TULP1: variants seen among roughly 807,000 people sequenced by gnomAD.
The protein encoded by TULP1 is tubby-related protein 1.
A neutral mutation model predicts 67.1 loss-of-function variants in TULP1; 50 were observed. The observed-to-expected ratio is 0.75, with a 90% CI of 0.59 to 0.94. TULP1 has a LOEUF of 0.94. TULP1 is among the 40% of genes least tolerant of loss of function. TULP1 has a pLI of 0.00. For missense variants in TULP1, 746 were observed against 734.1 expected (o/e 1.02, Z -0.19); for synonymous variants, 297 against 294.0 (o/e 1.01, Z -0.11).
In TULP1 at chr6:35,509,663, C is replaced by T. The variant is rs776350131; in HGVS notation, c.689G>A (p.Ser230Asn). The T allele has an allele frequency of 6.2e-7, 1 of 1,614,136 alleles. No individual in the cohort carries two copies. The highest frequency in any genetic ancestry group is 8.5e-7 in the Non-Finnish European group (1 of 1,180,038). The change falls in exon 7 of 15, where the codon AGT becomes AAT. Residue 230 changes from serine (S) to asparagine (N), a missense_variant. Coordinates refer to ENST00000229771, the MANE Select transcript of TULP1 (RefSeq NM_003322.6). ...CTTCTTCAGGGCTTTCTTGTCAGGACTGCCTTCCCCAACCAGAAACATGGC... is the reference window on the plus strand; with the variant it reads ...CTTCTTCAGGGCTTTCTTGTCAGGATTGCCTTCCCCAACCAGAAACATGGC... ...PAAMFLVGEGSPDKKALKKKG... is the reference protein window; with the variant it reads ...PAAMFLVGEGNPDKKALKKKG...
At chr6:35,509,517 C>A in intron 7 of TULP1, 117 bp downstream of exon 7, 1 of 1,191,896 alleles carries the variant, frequency 8.4e-7, no homozygotes. Flanking sequence ...CGTTGTCTGA[C>A]TCTAGACCTG....
Position 35,512,648 on chromosome 6 carries a change from G to GCGC in TULP1, c.87_89dup (p.Arg30dup). On this transcript the variant is annotated inframe_insertion, in exon 2 of 15. Transcript: ENST00000229771. ...AAGTGGGGTGGCATACCTGTTTGGGGCGCCGCGGGGCCTCCGGGCTCAGGC... is the reference window on the plus strand; with the variant it reads ...AAGTGGGGTGGCATACCTGTTTGGGGCGCCGCCGCGGGGCCTCCGGGCTCAGGC... 6.2e-7 allele frequency: 1 copy of GCGC among 1,613,946 alleles called. No homozygotes were observed. Among genetic ancestry groups the GCGC allele is most frequent in the Non-Finnish European group, 8.5e-7 (1 of 1,179,974 alleles).
rs552493882 is a variant in TULP1 at position 35,498,865 on chromosome 6, G to C, written c.1496-405C>G. 1.3e-5 allele frequency among the ~76,000 whole-genome samples: 2 copies of C among 152,162 alleles called. No individual in the cohort carries two copies. The highest frequency in any genetic ancestry group is 2.9e-5 in the Non-Finnish European group (2 of 67,986). On this transcript the variant is annotated intron_variant, in intron 14 of 14. Transcript: ENST00000229771. The surrounding 1 kb of genome is among the most constrained non-coding windows in gnomAD (Gnocchi z 6.7). ...AGACCCCAGCTCCACCCCTTGACTA[G>C]CCCCTGGTTCCCTTCCTCAGCCTCA... is the stretch of plus-strand genomic sequence containing the variant.
Position 35,498,212 on chromosome 6 carries a change from G to C in TULP1, c.*115C>G. 6.7e-7 allele frequency: 1 copy of C among 1,491,378 alleles called. No individual in the cohort carries two copies. The highest frequency in any genetic ancestry group is 2.4e-4 in the Middle Eastern group (1 of 4,244). The allele number at this position is 1,491,378 out of a possible 1,614,324, so 92.4% of individuals were successfully genotyped here. On this transcript the variant is annotated 3_prime_UTR_variant, in exon 15 of 15. Coordinates refer to ENST00000229771, the MANE Select transcript of TULP1 (RefSeq NM_003322.6). The surrounding 1 kb of genome is among the most constrained non-coding windows in gnomAD (Gnocchi z 6.7). The stretch of plus-strand genomic sequence containing the variant: ...GTCACCGAGAGGCAGTGAGAGGTCA[G>C]CCCCGACACAGGAGCAGTTTTCCGC...
intron 8 of TULP1, among the ~76,000 whole-genome samples, chr6:35,508,748 G>A (rs1761129685): frequency 6.6e-6 from 1 of 152,202 alleles, no homozygotes; most frequent in African/African-American, 2.4e-5. Flanking sequence ...TTGCTGGAGT[G>A]TTTAGTTGCT....
intron 14 of TULP1, among the ~76,000 whole-genome samples, chr6:35,499,017 C>T (rs1252752276): frequency 6.6e-6 from 1 of 152,190 alleles, no homozygotes; most frequent in East Asian, 1.9e-4. Context: ...CCACCAGAAA[C>T]GTGATCTGGA....
At position 35,505,998 on chromosome 6, in the gene TULP1, C is replaced by T. The variant is rs2150925392; in HGVS notation, c.999+5G>A. The T allele has an allele frequency of 1.9e-6, 3 of 1,614,138 alleles. No homozygotes were observed. The highest frequency in any genetic ancestry group is 1.1e-5 in the South Asian group (1 of 91,086). Reference sequence around the variant, plus strand: ...CTCCCTCCTCTGCTGCCTCTCCCCACCCACCTTCTTCTCCGTGTCCAGGTG... The same window carrying T: ...CTCCCTCCTCTGCTGCCTCTCCCCATCCACCTTCTTCTCCGTGTCCAGGTG... On this transcript the variant is annotated splice_donor_5th_base_variant and intron_variant, in intron 10 of 14. Transcript: ENST00000229771.
At chr6:35,507,700 C>G (rs1761112517) in intron 8 of TULP1, among the ~76,000 whole-genome samples, 1 of 152,190 alleles carries the variant, frequency 6.6e-6, no homozygotes, top group Admixed American at 6.5e-5. Flanking sequence ...CCCAACTTTT[C>G]CAACAGAGGC....
In TULP1 at chr6:35,503,615, C is replaced by T. The variant is rs749859066; in HGVS notation, c.1267G>A (p.Val423Ile). The change falls in exon 13 of 15, where the codon GTC becomes ATC. Residue 423 changes from valine (V) to isoleucine (I), a missense_variant. Val to Ile is a conservative substitution (Grantham distance 29, BLOSUM62 3). This residue lies in a region of TULP1 where 383 missense variants were observed against 374.1 expected (regional missense o/e 1.02). Coordinates refer to ENST00000229771, the MANE Select transcript of TULP1 (RefSeq NM_003322.6). The surrounding 1 kb of genome is among the most constrained non-coding windows in gnomAD (Gnocchi z 4.0). ...TCCGCACTCATGCCAGGAATGATGACGGTCATGCGCCGGGGGCCACGGAAG... is the reference window on the plus strand; with the variant it reads ...TCCGCACTCATGCCAGGAATGATGATGGTCATGCGCCGGGGGCCACGGAAG... ...LGFRGPRRMT[V>I]IIPGMSAENE... is the part of the protein sequence containing the mutation. 6 of 1,598,378 alleles carry T rather than the reference C, an allele frequency of 3.8e-6. No individual in the cohort carries two copies. The highest frequency in any genetic ancestry group is 1.7e-5 in the Admixed American group (1 of 58,020).
At chr6:35,501,749 T>G (rs1581737223) in intron 13 of TULP1, among the ~76,000 whole-genome samples, 1 of 152,110 alleles carries the variant, frequency 6.6e-6, no homozygotes, top group Non-Finnish European at 1.5e-5. Flanking sequence ...GAAGTAGAGG[T>G]TGCAGTGAGT....
At chr6:35,505,445 G>A (rs878916010) in intron 11 of TULP1, 1 of 594,482 alleles carries the variant, frequency 1.7e-6, no homozygotes, top group Non-Finnish European at 2.9e-6. Flanking sequence ...CAGGCACAGT[G>A]CCTGCCCTCG....
chr6:35,501,332 G>A (rs2150923050), intron 13 of TULP1, among the ~76,000 whole-genome samples: 1 of 151,940 alleles, frequency 6.6e-6, no homozygotes, highest in South Asian at 2.1e-4. Context: ...TGAGACCCTG[G>A]CTCTACAAAA....
intron 4 of TULP1, 116 bp downstream of exon 4, chr6:35,511,532 T>G: frequency 6.8e-7 from 1 of 1,479,188 alleles, no homozygotes; most frequent in Non-Finnish European, 9.2e-7. Flanking sequence ...GCCAGAAAAG[T>G]GGGGGCTATT....
At position 35,498,603 on chromosome 6, in the gene TULP1, A is replaced by G. The variant is rs1768760329; in HGVS notation, c.1496-143T>C. The G allele has an allele frequency of 1.6e-6, 2 of 1,280,986 alleles. No homozygotes were observed. The highest frequency in any genetic ancestry group is 2.5e-5 in the East Asian group (1 of 39,710). 79.4% of individuals were successfully genotyped at this position (1,280,986 alleles called of 1,614,324 possible). ...CCACCATCTCAGTTACTCAACACCC[A>G]TCCCTTCTTCTATCTCACTCCACAC... On this transcript the variant is annotated intron_variant, in intron 14 of 14. Transcript: ENST00000229771. This position sits in a 1 kb window ranked among gnomAD's most constrained non-coding sequence, Gnocchi z 6.7.
intron 5 of TULP1, 151 bp from the exon 6 acceptor site, chr6:35,510,079 A>C: frequency 1.4e-6 from 1 of 692,290 alleles, no homozygotes; most frequent in Non-Finnish European, 2.4e-6. Flanking sequence ...TTTTTTTGAG[A>C]CAGTCTCACT....
At position 35,498,369 on chromosome 6, in the gene TULP1, G is replaced by A. The variant is rs1463976276; in HGVS notation, c.1587C>T (p.Ala529=). 1 of 1,613,572 alleles carries A rather than the reference G, an allele frequency of 6.2e-7. No individual in the cohort carries two copies. The highest frequency in any genetic ancestry group is 1.1e-5 in the South Asian group (1 of 91,018). Residue 529 remains alanine (A), a synonymous_variant, in exon 15 of 15, where the codon GCC becomes GCT. Transcript: ENST00000229771. The surrounding 1 kb of genome is among the most constrained non-coding windows in gnomAD (Gnocchi z 6.7). ...TCCCGTCGAAACTGGAGAGGGCGATGGCGAAGGCCTGCAGGGCGCACAGCG... is the reference window on the plus strand; with the variant it reads ...TCCCGTCGAAACTGGAGAGGGCGATAGCGAAGGCCTGCAGGGCGCACAGCG... ...RYPLCALQAF[A]IALSSFDGKL... is the part of the protein sequence containing the mutation.
chr6:35,500,068 C>T lies in TULP1; in HGVS notation c.1408G>A (p.Asp470Asn), dbSNP rs866341403. Residue 470 changes from aspartate (D) to asparagine (N), a missense_variant, in exon 14 of 15, where the codon GAT (aspartate) becomes AAT (asparagine). Physicochemically the swap from Asp to Asn is conservative, Grantham distance 23. This residue lies in a region of TULP1 where 383 missense variants were observed against 374.1 expected (regional missense o/e 1.02). Coordinates refer to ENST00000229771, the MANE Select transcript of TULP1 (RefSeq NM_003322.6). Reference sequence around the variant, plus strand: ...TTGAGGGTGTAGGAGCCACTGTCATCGTTCCAGACAGGTGGCTTGTTGTGC... The same window carrying T: ...TTGAGGGTGTAGGAGCCACTGTCATTGTTCCAGACAGGTGGCTTGTTGTGC... ...ELHNKPPVWNDDSGSYTLNFQ... is the reference protein window; with the variant it reads ...ELHNKPPVWNNDSGSYTLNFQ... 13 of 1,614,050 alleles carry T rather than the reference C, an allele frequency of 8.1e-6. No individual in the cohort carries two copies. Among genetic ancestry groups the T allele is most frequent in the South Asian group, 6.6e-5 (6 of 91,094 alleles).
chr6:35,506,322 G>C (rs1276358898), intron 8 of TULP1, 43 bp from the exon 9 acceptor site: 57 of 1,550,652 alleles, frequency 3.7e-5, no homozygotes, highest in Non-Finnish European at 4.7e-5. Context: ...AGCAGGGGCC[G>C]CATCCCTGGA....
At chr6:35,507,501 A>G (rs1247289204) in intron 8 of TULP1, among the ~76,000 whole-genome samples, 1 of 152,214 alleles carries the variant, frequency 6.6e-6, no homozygotes, top group Non-Finnish European at 1.5e-5. Context: ...GTTACATAGC[A>G]ATGCATAGTT....
Sources: allele counts gnomAD v4.1 joint callset (sites outside exome capture counted in the v4.1 genomes callset), GRCh38; gene constraint gnomAD v4.1.1; regional missense constraint gnomAD v4.1.1; non-coding constraint Gnocchi (gnomAD v3.1); transcripts MANE v1.5; gene names NCBI Gene and HGNC (gene_info 2026-07-23, HGNC 2026-07-21).